Variants in GRM7 observed in about 807,000 individuals in gnomAD.
GRM7 encodes glutamate metabotropic receptor 7, also known as metabotropic glutamate receptor 7.
In GRM7, 35 loss-of-function variants were observed where a neutral mutation model predicts 84.5. The ratio of observed to expected loss-of-function variants is 0.41; its 90% CI spans 0.32 to 0.55. The LOEUF (loss-of-function observed/expected upper bound fraction) is 0.55. Among genes scored for constraint, GRM7 ranks in the 20% least tolerant of loss-of-function variants. GRM7 has a pLI of 0.19. For missense variants in GRM7, 1,003 were observed against 1,194.6 expected, an observed-to-expected ratio of 0.84 and a Z score of 2.36; for synonymous variants, 487 against 455.1, an observed-to-expected ratio of 1.07 and a Z score of -0.89.
At chr3:7,597,100 C>A (rs979275513) in intron 8 of GRM7, among the ~76,000 whole-genome samples, 13 of 152,052 alleles carry the variant, frequency 8.5e-5, no homozygotes, top group Non-Finnish European at 1.8e-4. Context: ...TTAATTGGCT[C>A]ATGGTTCTGT....
intron 1 of GRM7, among the ~76,000 whole-genome samples, chr3:6,924,852 TGA>T (rs1230565885): frequency 6.6e-6 from 1 of 152,080 alleles, no homozygotes; most frequent in Non-Finnish European, 1.5e-5. Context: ...CCTGGATCAT[TGA>T]GAGAGAGACA....
chr3:7,056,582 C>T (rs938604472), intron 1 of GRM7, among the ~76,000 whole-genome samples: 1 of 151,908 alleles, frequency 6.6e-6, no homozygotes, highest in African/African-American at 2.4e-5. Flanking sequence ...CACAGTTGTG[C>T]AAGTGAGAAG....
At chr3:6,916,249 C>G (rs1448387241) in intron 1 of GRM7, among the ~76,000 whole-genome samples, 1 of 151,906 alleles carries the variant, frequency 6.6e-6, no homozygotes, top group African/African-American at 2.4e-5. Flanking sequence ...CTAAAGGTAC[C>G]CACAGGAAGG....
At chr3:7,233,061 A>G (rs1166296767) in intron 2 of GRM7, among the ~76,000 whole-genome samples, 1 of 152,190 alleles carries the variant, frequency 6.6e-6, no homozygotes, top group Non-Finnish European at 1.5e-5. Context: ...GAATACATTT[A>G]AAGCTATTAC....
chr3:7,172,716 G>C (rs1428981255), intron 2 of GRM7, among the ~76,000 whole-genome samples: 1 of 152,066 alleles, frequency 6.6e-6, no homozygotes, highest in Non-Finnish European at 1.5e-5. Flanking sequence ...AGTTCTACTT[G>C]AAAACTGATA....
intron 8 of GRM7, among the ~76,000 whole-genome samples, chr3:7,588,849 G>A (rs777916791): frequency 1.3e-5 from 2 of 152,160 alleles, no homozygotes; most frequent in Non-Finnish European, 2.9e-5. Context: ...ACTGAGATGT[G>A]ATCTCACGTT....
intron 1 of GRM7, among the ~76,000 whole-genome samples, chr3:7,126,832 C>T (rs1693418259): frequency 6.6e-6 from 1 of 152,164 alleles, no homozygotes; most frequent in Non-Finnish European, 1.5e-5. Context: ...CTCCCTGGCT[C>T]ACTGCTGTGA....
rs534184663 is a variant in GRM7 at position 7,737,466 on chromosome 3, T to C, written c.2699-2891T>C. 5.3e-5 allele frequency among the ~76,000 whole-genome samples: 8 copies of C among 152,350 alleles called. No homozygotes were observed. In the South Asian group the frequency reaches 1.2e-3, roughly 24 times the overall value. On this transcript the variant is annotated intron_variant, in intron 9 of 9. Coordinates refer to ENST00000357716, the MANE Select transcript of GRM7 (RefSeq NM_000844.4). ...TATATTTCCTTAGCAAGTGCTTCAT[T>C]GCGCAACTATTTTGAGCTCAGTAAT...
intron 7 of GRM7, among the ~76,000 whole-genome samples, chr3:7,483,579 G>A (rs1699212636): frequency 6.6e-6 from 1 of 152,184 alleles, no homozygotes; most frequent in Admixed American, 6.5e-5. Context: ...GCCTGGAGAA[G>A]AGTTTGGGTT....
At chr3:7,683,828 G>T (rs1041636439) in intron 9 of GRM7, among the ~76,000 whole-genome samples, 8 of 152,212 alleles carry the variant, frequency 5.3e-5, no homozygotes, top group Non-Finnish European at 7.3e-5. Context: ...GTATTGGACA[G>T]TGTAGCTCTA....
In GRM7 at chr3:7,578,882, G is replaced by A. The variant is rs1427554002; in HGVS notation, c.1976G>A (p.Arg659Gln). The A allele has an allele frequency of 3.1e-6, 5 of 1,613,950 alleles. No homozygotes were observed. The highest frequency in any genetic ancestry group is 2.2e-5 in the East Asian group (1 of 44,894). Residue 659 changes from arginine (R) to glutamine (Q), a missense_variant, in exon 8 of 10, where the codon CGA becomes CAA. Physicochemically the swap from Arg to Gln is conservative, Grantham distance 43. Coordinates refer to ENST00000357716, the MANE Select transcript of GRM7 (RefSeq NM_000844.4). ...KPDVAVCSFR[R>Q]VFLGLGMCIS... Reference sequence around the variant, plus strand: ...GATGTGGCAGTGTGTTCTTTCCGGCGAGTTTTCTTGGGCTTGGGTATGTGC... The same window carrying A: ...GATGTGGCAGTGTGTTCTTTCCGGCAAGTTTTCTTGGGCTTGGGTATGTGC...
chr3:7,068,618 A>G lies in GRM7; in HGVS notation c.520-77834A>G, dbSNP rs1012640903. Among the ~76,000 whole-genome samples the G allele has an allele frequency of 2.0e-5, 3 of 152,022 alleles. No homozygotes were observed. In the East Asian group the frequency reaches 5.8e-4, roughly 29 times the overall value. On this transcript the variant is annotated intron_variant, in intron 1 of 9. Transcript: ENST00000357716. ...GGCTTGTTTGTTAAACTGAGATAGT[A>G]TATTAGGATTATTTTTGCTAGTAAG...
chr3:7,381,993 T>A (rs1007652905), intron 4 of GRM7, among the ~76,000 whole-genome samples: 2 of 152,186 alleles, frequency 1.3e-5, no homozygotes, highest in African/African-American at 4.8e-5. Flanking sequence ...CATGTTTGTT[T>A]TATTTAAAGT....
chr3:7,009,637 G>C (rs1695301573), intron 1 of GRM7, among the ~76,000 whole-genome samples: 2 of 152,304 alleles, frequency 1.3e-5, no homozygotes, highest in South Asian at 4.2e-4. Flanking sequence ...GGGGAGCCAG[G>C]AGGGAGGAAG....
At chr3:7,297,677 C>G (rs1359267624) in intron 2 of GRM7, among the ~76,000 whole-genome samples, 2 of 152,142 alleles carry the variant, frequency 1.3e-5, no homozygotes. Context: ...ACCCAGTTGT[C>G]CATGTTCTAG....
chr3:6,949,092 A>G (rs139107715), intron 1 of GRM7, among the ~76,000 whole-genome samples: 2,811 of 152,144 alleles, frequency 0.018, 85 homozygotes, highest in African/African-American at 0.064. Flanking sequence ...ATTTTATCCT[A>G]TCATTATGAT....
chr3:7,047,279 C>CT (rs976003232), intron 1 of GRM7, among the ~76,000 whole-genome samples: 7 of 152,052 alleles, frequency 4.6e-5, no homozygotes, highest in African/African-American at 1.7e-4. Context: ...TAGAATCTGG[C>CT]TTTTTTACAG....
chr3:7,641,213 A>G (rs3912451), intron 8 of GRM7, among the ~76,000 whole-genome samples: 227 of 152,310 alleles, frequency 1.5e-3, no homozygotes, highest in African/African-American at 5.2e-3. Context: ...TACTTCTGGA[A>G]TGTTACTTTC....
At chr3:7,027,772 G>A (rs186827654) in intron 1 of GRM7, among the ~76,000 whole-genome samples, 2 of 152,186 alleles carry the variant, frequency 1.3e-5, no homozygotes, top group East Asian at 3.9e-4. Flanking sequence ...GTTATGCGTT[G>A]TGTTTCAACC....
Sources: allele counts gnomAD v4.1 joint callset (sites outside exome capture counted in the v4.1 genomes callset), GRCh38; gene constraint gnomAD v4.1.1; transcripts MANE v1.5; gene names NCBI Gene and HGNC (gene_info 2026-07-23, HGNC 2026-07-21).